Variants in NAALADL2 observed in about 807,000 individuals in gnomAD.
The protein encoded by NAALADL2 is inactive N-acetylated-alpha-linked acidic dipeptidase-like protein 2.
Under a neutral mutation model 87.2 loss-of-function variants are expected in NAALADL2, and 76 were observed. The ratio of observed to expected loss-of-function variants is 0.87; its 90% confidence interval spans 0.72 to 1.05. The LOEUF is 1.05. NAALADL2 is among the 50% of genes least tolerant of loss of function. The probability of loss-of-function intolerance (pLI) is 0.00; values close to 1 mark genes in which losing one functional copy is unlikely to be tolerated. For synonymous variants in NAALADL2, 354 were observed against 331.0 expected, an observed-to-expected ratio of 1.07 and a Z score of -0.75; for missense variants, 1,089 against 945.8, an observed-to-expected ratio of 1.15 and a Z score of -1.99.
chr3:174,803,458 G>C (rs1466282744), intron 3 of NAALADL2, among the ~76,000 whole-genome samples: 1 of 152,072 alleles, frequency 6.6e-6, no homozygotes, highest in Non-Finnish European at 1.5e-5. Context: ...TTCTTTTGCT[G>C]TGCAGAAGCT....
chr3:174,450,220 A>C (rs1351865135), intron 1 of NAALADL2, among the ~76,000 whole-genome samples: 1 of 152,208 alleles, frequency 6.6e-6, no homozygotes. Flanking sequence ...TGCCACACAG[A>C]AAGCCAGTCA....
chr3:175,501,828 G>A (rs1377535755), intron 9 of NAALADL2, among the ~76,000 whole-genome samples: 1 of 152,112 alleles, frequency 6.6e-6, no homozygotes, highest in African/African-American at 2.4e-5. Context: ...AGACTCAAGT[G>A]TGTAGAGAGA....
chr3:175,272,369 G>A (rs981905028), intron 4 of NAALADL2, among the ~76,000 whole-genome samples: 2 of 152,144 alleles, frequency 1.3e-5, no homozygotes, highest in African/African-American at 4.8e-5. Flanking sequence ...AGAAAATTAT[G>A]TGAAGTGAGT....
intron 2 of NAALADL2, among the ~76,000 whole-genome samples, chr3:174,683,582 G>A (rs964997136): frequency 4.6e-5 from 7 of 151,520 alleles, no homozygotes. Flanking sequence ...AGATAATATA[G>A]ATAAGCAGAT....
intron 11 of NAALADL2, among the ~76,000 whole-genome samples, chr3:175,689,634 G>A (rs913948443): frequency 6.6e-5 from 10 of 152,116 alleles, no homozygotes; most frequent in Admixed American, 6.6e-5. Context: ...AAATCCTACT[G>A]CATCTTACGT....
intron 1 of NAALADL2, among the ~76,000 whole-genome samples, chr3:175,014,005 C>T (rs143934862): frequency 9.2e-5 from 14 of 152,238 alleles, no homozygotes; most frequent in African/African-American, 3.4e-4. Flanking sequence ...AAACTAACAT[C>T]CAGGTTAAAA....
intron 2 of NAALADL2, among the ~76,000 whole-genome samples, chr3:174,561,582 G>A (rs1190929844): frequency 6.6e-6 from 1 of 152,080 alleles, no homozygotes; most frequent in Non-Finnish European, 1.5e-5. Flanking sequence ...ATCAAGTAGA[G>A]AGGATAATCA....
intron 2 of NAALADL2, among the ~76,000 whole-genome samples, chr3:175,202,454 C>A (rs1003257778): frequency 1.3e-5 from 2 of 152,146 alleles, no homozygotes; most frequent in East Asian, 3.8e-4. Flanking sequence ...GCTTAACATG[C>A]TGCATTGTAA....
At chr3:175,553,987 A>T (rs1266901295) in intron 9 of NAALADL2, among the ~76,000 whole-genome samples, 1 of 152,176 alleles carries the variant, frequency 6.6e-6, no homozygotes, top group Admixed American at 6.5e-5. Flanking sequence ...AATGAGTACT[A>T]TGTAGAAAAT....
intron 1 of NAALADL2, among the ~76,000 whole-genome samples, chr3:175,086,307 A>G (rs1049738609): frequency 3.3e-5 from 5 of 152,156 alleles, no homozygotes; most frequent in African/African-American, 1.2e-4. Flanking sequence ...GATGCCTTAG[A>G]TATCAACAGT....
chr3:175,666,158 T>C (rs529138771), intron 11 of NAALADL2, among the ~76,000 whole-genome samples: 1 of 152,268 alleles, frequency 6.6e-6, no homozygotes, highest in African/African-American at 2.4e-5. Context: ...CCTTCTGTGG[T>C]ACTTCTGTGT....
At chr3:174,680,119 A>T (rs1474264884) in intron 2 of NAALADL2, among the ~76,000 whole-genome samples, 1 of 150,844 alleles carries the variant, frequency 6.6e-6, no homozygotes, top group East Asian at 2.0e-4. Context: ...GTTCATAATT[A>T]AAAAACACTT....
chr3:174,511,030 T>C (rs1458313298), intron 1 of NAALADL2, among the ~76,000 whole-genome samples: 1 of 152,050 alleles, frequency 6.6e-6, no homozygotes, highest in Non-Finnish European at 1.5e-5. Flanking sequence ...ATTTATAATT[T>C]AATTCTGTTA....
rs368290455 is a variant in NAALADL2, at chr3:175,195,732, A to T, written c.546-38199A>T. Among the ~76,000 whole-genome samples, 3 of 151,938 alleles carry T rather than the reference A, an allele frequency of 2.0e-5. No individual in the cohort carries two copies. The South Asian group carries it at 6.2e-4, about 31-fold the overall frequency. The stretch of plus-strand genomic sequence containing the variant: ...TTATATATCAGCCTGTACAGGCATA[A>T]ATTATTGTTCCATGTTGAATTTATT... On this transcript the variant is annotated intron_variant, in intron 2 of 13. Coordinates refer to ENST00000454872, the MANE Select transcript of NAALADL2 (RefSeq NM_207015.3).
intron 2 of NAALADL2, among the ~76,000 whole-genome samples, chr3:174,555,844 G>A (rs1245589936): frequency 6.6e-6 from 1 of 152,006 alleles, no homozygotes; most frequent in East Asian, 1.9e-4. Context: ...AGTGTGAGAG[G>A]TCATAGTGTG....
chr3:175,398,349 T>TG (rs1560489362), intron 5 of NAALADL2, among the ~76,000 whole-genome samples: 3 of 82,482 alleles, frequency 3.6e-5, no homozygotes, highest in Admixed American at 2.7e-4. Flanking sequence ...TGCTACTTTT[T>TG]TTTTTTTTTT....
intron 5 of NAALADL2, among the ~76,000 whole-genome samples, chr3:175,340,305 G>A (rs1427313310): frequency 6.6e-6 from 1 of 152,168 alleles, no homozygotes; most frequent in Non-Finnish European, 1.5e-5. Context: ...GGTGAAATAT[G>A]GCTGTCTTTT....
intron 3 of NAALADL2, among the ~76,000 whole-genome samples, chr3:174,817,923 C>A (rs1295337903): frequency 6.6e-6 from 1 of 152,138 alleles, no homozygotes; most frequent in Non-Finnish European, 1.5e-5. Flanking sequence ...TGCTCACTGT[C>A]AGTAATAAAC....
chr3:175,777,886 G>A (rs1038376021), intron 13 of NAALADL2, among the ~76,000 whole-genome samples: 5 of 152,138 alleles, frequency 3.3e-5, no homozygotes, highest in South Asian at 2.1e-4. Context: ...ATAATTTACC[G>A]TGATCCTTTA....
Sources: gnomAD v4.1 joint callset for allele counts (sites outside exome capture counted in the v4.1 genomes callset) on GRCh38, gnomAD v4.1.1 for gene constraint, MANE v1.5 for transcripts, NCBI Gene and HGNC (gene_info 2026-07-23, HGNC 2026-07-21) for gene names.